Variants in NTNG1 observed in about 807,000 individuals in gnomAD.
The protein encoded by NTNG1 is netrin-G1.
Under a neutral mutation model 54.0 loss-of-function variants are expected in NTNG1, and 16 were observed. The ratio of observed to expected loss-of-function variants is 0.30; its 90% CI spans 0.20 to 0.45. NTNG1 has a LOEUF of 0.45. NTNG1 is among the 20% of genes least tolerant of loss of function. The pLI, the probability that NTNG1 is intolerant of heterozygous loss-of-function variation, is 1.00. For synonymous variants in NTNG1, 255 were observed against 263.1 expected (o/e 0.97, Z 0.30); for missense variants, 530 against 678.7 (o/e 0.78, Z 2.43).
intron 2 of NTNG1, among the ~76,000 whole-genome samples, chr1:107,306,676 G>T (rs1489638088): frequency 6.6e-6 from 1 of 152,052 alleles, no homozygotes; most frequent in Non-Finnish European, 1.5e-5. Context: ...GCTTGAACCT[G>T]GGAGGTGGAG....
At chr1:107,181,784 C>T (rs774338149) in intron 2 of NTNG1, among the ~76,000 whole-genome samples, 5 of 152,074 alleles carry the variant, frequency 3.3e-5, no homozygotes, top group Non-Finnish European at 7.4e-5. Context: ...TTTCTTGTGA[C>T]ACACGGTGCT....
intron 2 of NTNG1, among the ~76,000 whole-genome samples, chr1:107,278,831 C>G (rs1222045992): frequency 2.0e-5 from 3 of 152,150 alleles, no homozygotes; most frequent in African/African-American, 7.2e-5. Flanking sequence ...CCATCAACAT[C>G]AGTGAGCACT....
At chr1:107,272,325 G>A (rs1348221244) in intron 2 of NTNG1, among the ~76,000 whole-genome samples, 1 of 151,792 alleles carries the variant, frequency 6.6e-6, no homozygotes, top group Non-Finnish European at 1.5e-5. Flanking sequence ...TTTTTTTCGG[G>A]AACACAGATA....
At chr1:107,430,470 TA>T (rs2101325652) in intron 5 of NTNG1, among the ~76,000 whole-genome samples, 1 of 152,292 alleles carries the variant, frequency 6.6e-6, no homozygotes, top group South Asian at 2.1e-4. Flanking sequence ...TCCCAAATTT[TA>T]AAAGGTGTAC....
intron 7 of NTNG1, among the ~76,000 whole-genome samples, chr1:107,445,752 A>T (rs1676270350): frequency 6.6e-6 from 1 of 152,132 alleles, no homozygotes. Context: ...TGTAGGCCAT[A>T]CAGTCTCTGT....
At chr1:107,378,099 G>A (rs1365774776) in intron 3 of NTNG1, among the ~76,000 whole-genome samples, 1 of 152,204 alleles carries the variant, frequency 6.6e-6, no homozygotes, top group African/African-American at 2.4e-5. Context: ...ATTTAGAAAA[G>A]AAATGAGAAG....
intron 3 of NTNG1, among the ~76,000 whole-genome samples, chr1:107,384,959 G>A (rs1212352267): frequency 6.6e-6 from 1 of 152,132 alleles, no homozygotes. Flanking sequence ...CAAACTCTGG[G>A]TTTTTATTAA....
chr1:107,182,107 T>G (rs1432580791), intron 2 of NTNG1, among the ~76,000 whole-genome samples: 2 of 152,184 alleles, frequency 1.3e-5, no homozygotes, highest in African/African-American at 4.8e-5. Flanking sequence ...CCCTTTTGTC[T>G]TTAAAGTATT....
At chr1:107,454,804 G>C (rs1413943075) in intron 7 of NTNG1, among the ~76,000 whole-genome samples, 1 of 152,138 alleles carries the variant, frequency 6.6e-6, no homozygotes, top group Non-Finnish European at 1.5e-5. Context: ...CCCTATAATA[G>C]AAGATACCAT....
At chr1:107,422,468 A>AC (rs1182364258) in intron 5 of NTNG1, among the ~76,000 whole-genome samples, 2 of 152,070 alleles carry the variant, frequency 1.3e-5, no homozygotes, top group African/African-American at 2.4e-5. Context: ...AGGACACAGC[A>AC]CCAATGAGGT....
chr1:107,160,879 G>A (rs1359881851), intron 2 of NTNG1, among the ~76,000 whole-genome samples: 1 of 152,032 alleles, frequency 6.6e-6, no homozygotes, highest in East Asian at 1.9e-4. Context: ...CCTCAAAGGG[G>A]CCTACCTGAC....
intron 3 of NTNG1, among the ~76,000 whole-genome samples, chr1:107,335,489 T>C (rs1366685367): frequency 6.6e-6 from 1 of 151,934 alleles, no homozygotes; most frequent in African/African-American, 2.4e-5. Context: ...CATATGTCTT[T>C]ATGAAAATAA....
chr1:107,169,580 C>T (rs989879613), intron 2 of NTNG1, among the ~76,000 whole-genome samples: 1 of 152,060 alleles, frequency 6.6e-6, no homozygotes. Flanking sequence ...TGCTGTTACC[C>T]CTTCTGGAAA....
intron 2 of NTNG1, among the ~76,000 whole-genome samples, chr1:107,310,742 A>C (rs1404253504): frequency 2.6e-5 from 4 of 152,142 alleles, no homozygotes; most frequent in Non-Finnish European, 5.9e-5. Context: ...ATTAATTGAA[A>C]AGAGGGAATA....
rs186375399 is a variant in NTNG1 at position 107,441,549 on chromosome 1, G to A, written c.1390+4750G>A. On this transcript the variant is annotated intron_variant, in intron 7 of 7. Coordinates refer to ENST00000370068, the MANE Select transcript of NTNG1 (RefSeq NM_001113226.3). ...AGACAGATCACATCCTTTTCTGAGC[G>A]CAAGTGGGAAAGGCTTTCCATTTTT... 9.4e-4 allele frequency among the ~76,000 whole-genome samples: 143 copies of A among 152,184 alleles called. 1 individual carries two copies. The highest frequency in any genetic ancestry group is 3.3e-3 in the African/African-American group (137 of 41,550).
chr1:107,470,238 A>G (rs1677892990), intron 7 of NTNG1, among the ~76,000 whole-genome samples: 1 of 152,256 alleles, frequency 6.6e-6, no homozygotes, highest in African/African-American at 2.4e-5. Context: ...AAATGTGATT[A>G]CATAATTCAT....
rs536190443 is a variant in NTNG1, at chr1:107,290,497, C to A, written c.247-33785C>A. Among the ~76,000 whole-genome samples the A allele has an allele frequency of 5.9e-5, 9 of 152,052 alleles. No homozygotes were observed. The South Asian group carries it at 1.9e-3, about 32-fold the overall frequency. On this transcript the variant is annotated intron_variant, in intron 2 of 7. Transcript: ENST00000370068. ...TTTTTTTTTAAATCTGCTTCATTTG[C>A]AAAATTAGTGTAAATAATTTATACC...
chr1:107,443,456 A>T (rs1369528783), intron 7 of NTNG1, among the ~76,000 whole-genome samples: 1 of 152,120 alleles, frequency 6.6e-6, no homozygotes, highest in East Asian at 1.9e-4. Context: ...AATTGTGATC[A>T]TGAAGGTATT....
chr1:107,447,913 T>C (rs1263572182), intron 7 of NTNG1, among the ~76,000 whole-genome samples: 1 of 152,116 alleles, frequency 6.6e-6, no homozygotes, highest in African/African-American at 2.4e-5. Flanking sequence ...CAATCACACA[T>C]TCACTTATAT....
Sources: allele counts gnomAD v4.1 joint callset (sites outside exome capture counted in the v4.1 genomes callset), GRCh38; gene constraint gnomAD v4.1.1; transcripts MANE v1.5; gene names NCBI Gene and HGNC (gene_info 2026-07-23, HGNC 2026-07-21).